The following LRRC18 variants were observed in gnomAD, a reference collection of about 807,000 sequenced individuals.
The protein encoded by LRRC18 is leucine-rich repeat-containing protein 18.
In LRRC18, 12 loss-of-function variants were observed where a neutral mutation model predicts 11.2. The ratio of observed to expected loss-of-function variants is 1.07; its 90% confidence interval spans 0.69 to 1.74. The LOEUF is 1.74. LRRC18 is among the 40% of genes most tolerant of loss of function. The pLI, the probability that LRRC18 is intolerant of heterozygous loss-of-function variation, is 0.00. For missense variants in LRRC18, 374 were observed against 330.5 expected, an observed-to-expected ratio of 1.13 and a Z score of -1.02; for synonymous variants, 155 against 130.6, an observed-to-expected ratio of 1.19 and a Z score of -1.27.
chr10:48,910,892 G>GTA, intron 1 of LRRC18: 11 of 985,062 alleles, frequency 1.1e-5, no homozygotes, highest in Non-Finnish European at 1.3e-5. Flanking sequence ...GGTGGGCTCT[G>GTA]TAACCTCGAT....
chr10:48,933,652 G>A, the LRRC18 span, among the ~76,000 whole-genome samples: 1 of 152,256 alleles, frequency 6.6e-6, no homozygotes, highest in Non-Finnish European at 1.5e-5. Flanking sequence ...AGTTCTAGGG[G>A]CTGAGATGAG....
the LRRC18 span, among the ~76,000 whole-genome samples, chr10:48,932,868 A>G: frequency 3.2e-4 from 48 of 152,310 alleles, no homozygotes; most frequent in Middle Eastern, 3.4e-3. Context: ...AAGAAGCCAC[A>G]TGGAAGGATT....
chr10:48,939,381 G>A, the LRRC18 span, among the ~76,000 whole-genome samples: 3 of 152,220 alleles, frequency 2.0e-5, no homozygotes, highest in Non-Finnish European at 2.9e-5. Context: ...TGGCCAGTGT[G>A]TTGCAAGGAT....
the LRRC18 span, among the ~76,000 whole-genome samples, chr10:48,920,062 C>T: frequency 3.3e-4 from 50 of 151,884 alleles, no homozygotes; most frequent in African/African-American, 1.2e-3. Context: ...AAATGACAGC[C>T]CAAACTTACT....
the LRRC18 span, among the ~76,000 whole-genome samples, chr10:48,923,496 G>GTATATATATATATATA: frequency 2.2e-3 from 141 of 63,172 alleles, 7 homozygotes; most frequent in Middle Eastern, 0.012. Context: ...ATAGTTTTTA[G>GTATATATATATATATA]TATATATATA....
chr10:48,919,521 A>G, the LRRC18 span, among the ~76,000 whole-genome samples: 2 of 152,222 alleles, frequency 1.3e-5, no homozygotes, highest in Admixed American at 1.3e-4. Flanking sequence ...GTTGGCTTGT[A>G]AGCAACATAA....
chr10:48,924,365 T>C, the LRRC18 span, among the ~76,000 whole-genome samples: 1 of 152,220 alleles, frequency 6.6e-6, no homozygotes, highest in Non-Finnish European at 1.5e-5. Context: ...TGATCATCTG[T>C]TTGAAACTGG....
chr10:48,912,507 C>A (rs185693265), intron 1 of LRRC18, among the ~76,000 whole-genome samples: 6 of 152,346 alleles, frequency 3.9e-5, no homozygotes, highest in African/African-American at 1.2e-4. Flanking sequence ...CGACTGGGAT[C>A]TCCTGAATGC....
the LRRC18 span, among the ~76,000 whole-genome samples, chr10:48,937,241 G>A: frequency 1.5e-4 from 23 of 152,292 alleles, no homozygotes; most frequent in East Asian, 4.4e-3. Context: ...TGGCATAGTT[G>A]TACCATAACA....
chr10:48,934,759 A>G, the LRRC18 span, among the ~76,000 whole-genome samples: 8 of 152,218 alleles, frequency 5.3e-5, no homozygotes, highest in African/African-American at 1.9e-4. Context: ...GTTTCCTTAG[A>G]GGGGTGACTG....
the LRRC18 span, among the ~76,000 whole-genome samples, chr10:48,924,197 C>G: frequency 6.6e-6 from 1 of 152,184 alleles, no homozygotes; most frequent in Non-Finnish European, 1.5e-5. Context: ...GAACTTCCAC[C>G]CTTTCTGCGC....
chr10:48,913,339 C>G (rs1389988702), intron 1 of LRRC18, 53 bp downstream of exon 3: 1 of 1,552,660 alleles, frequency 6.4e-7, no homozygotes, highest in South Asian at 1.2e-5. Context: ...GCCCACTGCC[C>G]TCTTCCCTCC....
At chr10:48,926,051 T>G in the LRRC18 span, among the ~76,000 whole-genome samples, 1 of 152,272 alleles carries the variant, frequency 6.6e-6, no homozygotes, top group East Asian at 1.9e-4. Flanking sequence ...TGGTGTACAA[T>G]CTTTCTATAC....
At chr10:48,938,582 G>A in the LRRC18 span, among the ~76,000 whole-genome samples, 20 of 152,320 alleles carry the variant, frequency 1.3e-4, no homozygotes, top group African/African-American at 4.3e-4. Context: ...GTGCTGTTTG[G>A]GTGGAGCTGG....
At chr10:48,914,195 A>G in exon 1 of LRRC18, 1 of 1,581,464 alleles carries the variant, frequency 6.3e-7, no homozygotes, top group Non-Finnish European at 8.6e-7. Flanking sequence ...TATTGTTCTG[A>G]TTGGATAGTG....
upstream of LRRC18, among the ~76,000 whole-genome samples, chr10:48,917,539 T>C (rs139045736): frequency 3.1e-3 from 466 of 152,298 alleles, 5 homozygotes; most frequent in Non-Finnish European, 5.3e-3. Context: ...GCAATAGGAA[T>C]GACTGCAGGT....
At chr10:48,914,498 CT>C (rs1400543155), upstream of LRRC18, among the ~76,000 whole-genome samples, 15 of 152,308 alleles carry the variant, frequency 9.8e-5, no homozygotes, top group East Asian at 2.9e-3. Context: ...CATGCCCCGA[CT>C]TATAAATACT....
chr10:48,925,092 C>T, the LRRC18 span, among the ~76,000 whole-genome samples: 1 of 152,298 alleles, frequency 6.6e-6, no homozygotes, highest in South Asian at 2.1e-4. Flanking sequence ...TTTTACTTGT[C>T]GGTCATCTCT....
At chr10:48,916,871 ATGTGTG>A (rs55891907), upstream of LRRC18, among the ~76,000 whole-genome samples, 28,476 of 149,166 alleles carry the variant, frequency 0.19, 2,830 homozygotes, top group Middle Eastern at 0.24. Flanking sequence ...CTTTAAAAAT[ATGTGTG>A]TGTGTGTGTG....
Sources: gnomAD v4.1 joint callset for allele counts (sites outside exome capture counted in the v4.1 genomes callset) on GRCh38, gnomAD v4.1.1 for gene constraint, MANE v1.5 for transcripts, NCBI Gene and HGNC (gene_info 2026-07-23, HGNC 2026-07-21) for gene names.